CDH6: variants seen among roughly 807,000 people sequenced by gnomAD.
The protein encoded by CDH6 is cadherin 6.
Under a neutral mutation model 78.0 loss-of-function variants are expected in CDH6, and 31 were observed. That is an observed-to-expected ratio of 0.40 (90% CI 0.30 to 0.54). CDH6 has a LOEUF of 0.54. Ranked by LOEUF, CDH6 falls within the 20% of genes least tolerant of loss-of-function variation. CDH6 has a pLI of 0.56. For missense variants in CDH6, 724 were observed against 975.9 expected, an observed-to-expected ratio of 0.74 and a Z score of 3.44; for synonymous variants, 376 against 368.8, an observed-to-expected ratio of 1.02 and a Z score of -0.23.
intron 6 of CDH6, among the ~76,000 whole-genome samples, chr5:31,302,903 A>AAAAGAAAG (rs70953502): frequency 0.14 from 12,598 of 90,222 alleles, 966 homozygotes; most frequent in African/African-American, 0.18. Flanking sequence ...AAGAAAGAAA[A>AAAAGAAAG]AAAGAAAGAA....
intron 2 of CDH6, among the ~76,000 whole-genome samples, chr5:31,284,128 C>G (rs1385738497): frequency 6.6e-6 from 1 of 152,144 alleles, no homozygotes; most frequent in Non-Finnish European, 1.5e-5. Flanking sequence ...TTTTCTAGAT[C>G]CTTTTCAAGC....
rs1561078303 is a variant in CDH6 at position 31,328,272 on chromosome 5, T to C, written c.*4964T>C. 5.2e-6 allele frequency: 1 copy of C among 191,394 alleles called. No homozygotes were observed. Among genetic ancestry groups the C allele is most frequent in the Non-Finnish European group, 1.1e-5 (1 of 92,662 alleles). The allele number at this position is 191,394 out of a possible 1,614,324, so 11.9% of individuals were successfully genotyped here. A position where few individuals can be genotyped will look rare whatever the true frequency, so the allele number is the denominator to read the frequency against. Reference sequence around the variant, plus strand: ...TGACAAACGAGGCATGGACCCAGCCTTGTGGAAAAAGCATTCCACGCTAAT... The same window carrying C: ...TGACAAACGAGGCATGGACCCAGCCCTGTGGAAAAAGCATTCCACGCTAAT... On this transcript the variant is annotated 3_prime_UTR_variant, in exon 12 of 12. Coordinates refer to ENST00000265071, the MANE Select transcript of CDH6 (RefSeq NM_004932.4).
chr5:31,215,993 T>A (rs1379529729), intron 1 of CDH6, among the ~76,000 whole-genome samples: 1 of 152,196 alleles, frequency 6.6e-6, no homozygotes, highest in Non-Finnish European at 1.5e-5. Flanking sequence ...CTTTGGTTTT[T>A]TTTCAAAATC....
intron 6 of CDH6, among the ~76,000 whole-genome samples, chr5:31,304,425 G>A (rs12697255): frequency 0.013 from 1,955 of 152,188 alleles, 48 homozygotes; most frequent in African/African-American, 0.045. Context: ...CGTGGCTCAC[G>A]CTTGTAATCC....
rs564674789 is a variant in CDH6, at chr5:31,206,299, T to C, written c.-129+12413T>C. On this transcript the variant is annotated intron_variant, in intron 1 of 11. Transcript: ENST00000265071. The stretch of plus-strand genomic sequence containing the variant: ...ATTTTATATATACATATATCTTATA[T>C]GTAACATGTACACATTTCTCAAGGC... 1.8e-4 allele frequency among the ~76,000 whole-genome samples: 27 copies of C among 152,302 alleles called. No homozygotes were observed. The East Asian group carries it at 4.4e-3, about 25-fold the overall frequency.
chr5:31,195,244 T>C (rs1353250074), intron 1 of CDH6, among the ~76,000 whole-genome samples: 1 of 152,134 alleles, frequency 6.6e-6, no homozygotes, highest in African/African-American at 2.4e-5. Flanking sequence ...TGTACATATA[T>C]GGCTGCTCTG....
chr5:31,288,722 A>G (rs1743074474), intron 2 of CDH6, among the ~76,000 whole-genome samples: 1 of 152,220 alleles, frequency 6.6e-6, no homozygotes, highest in East Asian at 1.9e-4. Flanking sequence ...CCCAGACAGC[A>G]TCTTTTCAAC....
chr5:31,195,118 A>G (rs1375169580), intron 1 of CDH6, among the ~76,000 whole-genome samples: 1 of 152,096 alleles, frequency 6.6e-6, no homozygotes, highest in East Asian at 1.9e-4. Flanking sequence ...TGATAGTCAT[A>G]CTATAGAGGT....
chr5:31,324,608 T>C lies in CDH6; in HGVS notation c.*1300T>C. On this transcript the variant is annotated 3_prime_UTR_variant, in exon 12 of 12. Transcript: ENST00000265071. ...AAGCATTAATTTTTTTTCATTGTTTTTAACTTTGCTTTCATGACCATCCTG... is the reference window on the plus strand; with the variant it reads ...AAGCATTAATTTTTTTTCATTGTTTCTAACTTTGCTTTCATGACCATCCTG... 4.7e-6 allele frequency: 1 copy of C among 211,666 alleles called. No homozygotes were observed. The allele number at this position is 211,666 out of a possible 1,614,324, so 13.1% of individuals were successfully genotyped here. A position where few individuals can be genotyped will look rare whatever the true frequency, so the allele number is the denominator to read the frequency against.
chr5:31,240,560 C>T (rs1741570822), intron 1 of CDH6, among the ~76,000 whole-genome samples: 1 of 152,174 alleles, frequency 6.6e-6, no homozygotes, highest in East Asian at 1.9e-4. Flanking sequence ...ACCTCACAGG[C>T]AGCAGCTCCA....
chr5:31,276,408 C>G (rs1284899192), intron 2 of CDH6, among the ~76,000 whole-genome samples: 1 of 151,618 alleles, frequency 6.6e-6, no homozygotes, highest in East Asian at 1.9e-4. Context: ...AATATATATG[C>G]TCAAAAAAGA....
At chr5:31,317,252 T>C in intron 9 of CDH6, 123 bp from the exon 10 acceptor site, 1 of 619,058 alleles carries the variant, frequency 1.6e-6, no homozygotes. Flanking sequence ...TGTATATTAC[T>C]TAAAGGCTAT....
intron 1 of CDH6, among the ~76,000 whole-genome samples, chr5:31,226,014 G>T (rs1475899683): frequency 3.9e-5 from 6 of 152,118 alleles, no homozygotes; most frequent in Admixed American, 3.9e-4. Context: ...CCTACATCCT[G>T]CCCTGGTCCT....
intron 2 of CDH6, among the ~76,000 whole-genome samples, chr5:31,273,705 G>A (rs1742599104): frequency 6.6e-6 from 1 of 151,726 alleles, no homozygotes; most frequent in African/African-American, 2.4e-5. Context: ...TACTTATTGA[G>A]AATCTATTGT....
At chr5:31,277,871 T>C (rs1362404099) in intron 2 of CDH6, among the ~76,000 whole-genome samples, 1 of 152,322 alleles carries the variant, frequency 6.6e-6, no homozygotes, top group East Asian at 1.9e-4. Context: ...TTTCCAGCTT[T>C]ATTGAGGTAT....
chr5:31,278,627 C>T (rs1301974979), intron 2 of CDH6, among the ~76,000 whole-genome samples: 3 of 152,118 alleles, frequency 2.0e-5, no homozygotes, highest in Non-Finnish European at 4.4e-5. Context: ...AAAGAGAAAT[C>T]ATTTAAAACC....
intron 5 of CDH6, 109 bp from the exon 6 acceptor site, chr5:31,302,002 C>A: frequency 1.6e-6 from 1 of 627,012 alleles, no homozygotes; most frequent in Non-Finnish European, 2.7e-6. Flanking sequence ...AAGCACACAT[C>A]TACCTGATGG....
intron 7 of CDH6, among the ~76,000 whole-genome samples, chr5:31,312,870 T>G (rs1338005557): frequency 6.6e-6 from 1 of 152,122 alleles, no homozygotes; most frequent in African/African-American, 2.4e-5. Flanking sequence ...AGCCATCTTT[T>G]GCTTATTTCA....
intron 6 of CDH6, among the ~76,000 whole-genome samples, chr5:31,303,770 C>A (rs1225442407): frequency 6.6e-6 from 1 of 151,776 alleles, no homozygotes; most frequent in Non-Finnish European, 1.5e-5. Context: ...TTTTTCCTCC[C>A]AAGCTTTGGA....
Sources: gnomAD v4.1 joint callset for allele counts (sites outside exome capture counted in the v4.1 genomes callset) on GRCh38, gnomAD v4.1.1 for gene constraint, MANE v1.5 for transcripts, NCBI Gene and HGNC (gene_info 2026-07-23, HGNC 2026-07-21) for gene names.